Variants in SYNE2 observed in about 807,000 individuals in gnomAD.
SYNE2 encodes the protein spectrin repeat containing nuclear envelope protein 2, also known as nesprin-2.
In SYNE2, 431 loss-of-function variants were observed where a neutral mutation model predicts 856.3. That is an observed-to-expected ratio of 0.50 (90% confidence interval 0.47 to 0.55). The LOEUF is 0.55. Ranked by LOEUF, SYNE2 falls within the 20% of genes least tolerant of loss-of-function variation. SYNE2 has a pLI of 0.00. For synonymous variants in SYNE2, 2,923 were observed against 2,872.3 expected (o/e 1.02, Z -0.56); for missense variants, 8,129 against 8,023.2 (o/e 1.01, Z -0.50).
intron 18 of SYNE2, among the ~76,000 whole-genome samples, chr14:63,986,018 GTTA>G (rs2096622899): frequency 6.6e-6 from 1 of 152,108 alleles, no homozygotes; most frequent in Admixed American, 6.6e-5. Context: ...GAAGAAAAAA[GTTA>G]TTATTGTCAA....
chr14:63,765,650 C>T (rs1227223820), intron 1 of SYNE2, among the ~76,000 whole-genome samples: 1 of 152,118 alleles, frequency 6.6e-6, no homozygotes, highest in Non-Finnish European at 1.5e-5. Context: ...AGCCACCACA[C>T]CCAGCCCATA....
At chr14:63,938,215 G>A (rs2095856589) in intron 2 of SYNE2, among the ~76,000 whole-genome samples, 1 of 152,178 alleles carries the variant, frequency 6.6e-6, no homozygotes, top group Non-Finnish European at 1.5e-5. Flanking sequence ...CCAGCACTTT[G>A]GGAGGTGAGT....
At chr14:64,197,727 A>C (rs558813253) in intron 99 of SYNE2, among the ~76,000 whole-genome samples, 198 of 152,316 alleles carry the variant, frequency 1.3e-3, no homozygotes, top group African/African-American at 4.7e-3. Context: ...CATATGTATA[A>C]ATTTGACATG....
chr14:63,962,926 C>G (rs2096340764), intron 9 of SYNE2, among the ~76,000 whole-genome samples: 1 of 152,160 alleles, frequency 6.6e-6, no homozygotes, highest in African/African-American at 2.4e-5. Context: ...GTAGAAACTT[C>G]ATAAAAATTG....
chr14:63,783,194 A>T, intron 1 of SYNE2, among the ~76,000 whole-genome samples: 1 of 152,028 alleles, frequency 6.6e-6, no homozygotes, highest in Non-Finnish European at 1.5e-5. Context: ...TTCTCGCGAG[A>T]TCTGATCGTT....
chr14:63,936,419 G>A (rs1028215678), intron 2 of SYNE2, among the ~76,000 whole-genome samples: 3 of 152,102 alleles, frequency 2.0e-5, no homozygotes, highest in African/African-American at 4.8e-5. Context: ...GGAGTTGGGG[G>A]TGTTACAATT....
rs181684830 is a variant in SYNE2, at chr14:64,016,752, A to G, written c.4887+121A>G. The G allele has an allele frequency of 3.8e-4, 275 of 718,032 alleles. 1 individual carries two copies. Among genetic ancestry groups the G allele is most frequent in the African/African-American group, 3.6e-3 (201 of 55,634 alleles). 44.5% of individuals were successfully genotyped at this position (718,032 alleles called of 1,614,324 possible). ...CATTGTAAAAATGTTCAAATTATAT[A>G]AAACTTAGGAATTAATTTTAACCCC... On this transcript the variant is annotated intron_variant, in intron 33 of 115. Coordinates refer to ENST00000555002, the MANE Select transcript of SYNE2 (RefSeq NM_182914.3).
At position 64,080,516 on chromosome 14, in the gene SYNE2, C is replaced by G; in HGVS notation, c.11224C>G (p.Gln3742Glu). The G allele has an allele frequency of 6.2e-7, 1 of 1,614,114 alleles. No individual in the cohort carries two copies. The highest frequency in any genetic ancestry group is 1.1e-5 in the South Asian group (1 of 91,066). Residue 3742 changes from glutamine (Q) to glutamate (E), a missense_variant, in exon 56 of 116, where the codon CAG becomes GAG. Gln to Glu is a conservative substitution (Grantham distance 29). Transcript: ENST00000555002. ...ACTAAATGAGCTGGATTCTGAAGTT[C>G]AGGACATTGTTGAACAGGACCCAGG... ...SKLNELDSEVQDIVEQDPGQA... is the reference protein window; with the variant it reads ...SKLNELDSEVEDIVEQDPGQA...
Position 64,052,271 on chromosome 14 carries a change from T to C in SYNE2, c.8358T>C (p.Ala2786=). 6.2e-7 allele frequency: 1 copy of C among 1,614,210 alleles called. No individual in the cohort carries two copies. The highest frequency in any genetic ancestry group is 8.5e-7 in the Non-Finnish European group (1 of 1,180,038). ...LARQQSVESL[A]EEVKDKVPSL... The stretch of plus-strand genomic sequence containing the variant: ...GGCAGCAGTCTGTGGAATCGTTGGC[T>C]GAAGAGGTCAAAGATAAGGTTCCTA... Residue 2786 remains alanine (A), a synonymous_variant, in exon 48 of 116, where the codon GCT becomes GCC. Transcript: ENST00000555002.
intron 99 of SYNE2, among the ~76,000 whole-genome samples, chr14:64,198,158 T>TA (rs1470333372): frequency 1.3e-5 from 2 of 152,198 alleles, no homozygotes; most frequent in Non-Finnish European, 2.9e-5. Context: ...TGAGAAATGT[T>TA]AAGAGCACCT....
intron 96 of SYNE2, among the ~76,000 whole-genome samples, chr14:64,185,013 C>A (rs1382952671): frequency 6.6e-6 from 1 of 152,232 alleles, no homozygotes; most frequent in Non-Finnish European, 1.5e-5. Context: ...CCCCACACTT[C>A]AGGGGGCTGA....
chr14:63,934,118 A>T lies in SYNE2; in HGVS notation c.80-6496A>T, dbSNP rs568469406. 5.3e-5 allele frequency among the ~76,000 whole-genome samples: 8 copies of T among 152,296 alleles called. No individual in the cohort carries two copies. In the South Asian group the frequency reaches 8.3e-4, roughly 16 times the overall value. The stretch of plus-strand genomic sequence containing the variant: ...TCTTTATTGCATTTAGAGGGTTCTG[A>T]TTTCCAGGATGAAGAGGCATTCTCT... On this transcript the variant is annotated intron_variant, in intron 2 of 115. Transcript: ENST00000555002.
chr14:63,851,845 G>A (rs563651218), upstream of SYNE2, among the ~76,000 whole-genome samples: 9 of 151,960 alleles, frequency 5.9e-5, no homozygotes, highest in South Asian at 1.9e-3. Flanking sequence ...CACTTTGGGA[G>A]GCTGAGGTGG....
chr14:63,869,912 C>G (rs12878037), intron 1 of SYNE2, among the ~76,000 whole-genome samples: 10,538 of 152,166 alleles, frequency 0.069, 377 homozygotes, highest in Admixed American at 0.1. Context: ...CACCTAGTTT[C>G]GAATTGTCTG....
chr14:63,771,156 G>A (rs1392668480), intron 1 of SYNE2, among the ~76,000 whole-genome samples: 6 of 140,528 alleles, frequency 4.3e-5, no homozygotes, highest in Admixed American at 3.1e-4. Flanking sequence ...TGCAAGCTCC[G>A]CCTCCCGGGT....
Position 63,992,212 on chromosome 14 carries a change from T to C in SYNE2, c.2646+1097T>C, listed in dbSNP as rs114078913. On this transcript the variant is annotated intron_variant, in intron 21 of 115. Coordinates refer to ENST00000555002, the MANE Select transcript of SYNE2 (RefSeq NM_182914.3). Reference sequence around the variant, plus strand: ...ATGGTGAGGCTGGATTCTAGGTGGGTAGAGATGGTCTGGTCAGGAAAAAGA... The same window carrying C: ...ATGGTGAGGCTGGATTCTAGGTGGGCAGAGATGGTCTGGTCAGGAAAAAGA... Among the ~76,000 whole-genome samples, 943 of 151,484 alleles carry C rather than the reference T, an allele frequency of 6.2e-3. 7 individuals are homozygous for C. Among genetic ancestry groups the C allele is most frequent in the African/African-American group, 0.022 (908 of 41,202 alleles).
At chr14:63,931,664 C>G (rs750990244) in intron 2 of SYNE2, among the ~76,000 whole-genome samples, 1 of 152,030 alleles carries the variant, frequency 6.6e-6, no homozygotes, top group Non-Finnish European at 1.5e-5. Flanking sequence ...ATCCTTAATA[C>G]CTTTAGTATT....
At chr14:64,072,276 T>C (rs562421157) in intron 52 of SYNE2, among the ~76,000 whole-genome samples, 1 of 152,242 alleles carries the variant, frequency 6.6e-6, no homozygotes, top group East Asian at 1.9e-4. Context: ...CAAACTTGTT[T>C]TTTCTCTCTA....
At chr14:64,129,750 G>T in intron 74 of SYNE2, 32 bp from the exon 75 acceptor site, 3 of 1,613,436 alleles carry the variant, frequency 1.9e-6, no homozygotes, top group Non-Finnish European at 1.7e-6. Flanking sequence ...CTTACTGAAG[G>T]GTTTTCTTTT....
Sources: gnomAD v4.1 joint callset for allele counts (sites outside exome capture counted in the v4.1 genomes callset) on GRCh38, gnomAD v4.1.1 for gene constraint, MANE v1.5 for transcripts, NCBI Gene and HGNC (gene_info 2026-07-23, HGNC 2026-07-21) for gene names.